Variants in NUFIP2 observed in about 807,000 individuals in gnomAD.
NUFIP2 encodes FMR1-interacting protein NUFIP2.
NUFIP2 carries 6 observed loss-of-function variants against 56.9 expected under a neutral mutation model. The ratio of observed to expected loss-of-function variants is 0.11; its 90% CI spans 0.06 to 0.21. The LOEUF (loss-of-function observed/expected upper bound fraction) is 0.21. Among genes scored for constraint, NUFIP2 ranks in the 10% least tolerant of loss-of-function variants. The pLI is 1.00. For missense variants in NUFIP2, 828 were observed against 826.8 expected (o/e 1.00, Z -0.02); for synonymous variants, 321 against 298.2 (o/e 1.08, Z -0.79).
chr17:29,283,935 T>G (rs1324758274), intron 2 of NUFIP2, among the ~76,000 whole-genome samples: 1 of 152,208 alleles, frequency 6.6e-6, no homozygotes, highest in Admixed American at 6.5e-5. Context: ...CTACTTCCAT[T>G]TTTAAGGAAG....
chr17:29,287,513 C>A lies in NUFIP2; in HGVS notation c.481G>T (p.Asp161Tyr), dbSNP rs765613269. 4 of 1,613,808 alleles carry A rather than the reference C, an allele frequency of 2.5e-6. No homozygotes were observed. The South Asian group carries it at 4.4e-5, about 18-fold the overall frequency. Residue 161 changes from aspartate to tyrosine, a missense_variant, in exon 2 of 4, where the codon GAC (aspartate) becomes TAC (tyrosine). By Grantham distance (160) the Asp-to-Tyr change is radical. Coordinates refer to ENST00000225388, the MANE Select transcript of NUFIP2 (RefSeq NM_020772.3). Reference sequence around the variant, plus strand: ...TCATAAGACTTCCCATTCTTTTTGTCCATACTGTTTTTCTGAATGAAATTC... The same window carrying A: ...TCATAAGACTTCCCATTCTTTTTGTACATACTGTTTTTCTGAATGAAATTC... ...TKNFIQKNSM[D>Y]KKNGKSYENK...
chr17:29,279,656 C>A (rs2069128507), intron 2 of NUFIP2, among the ~76,000 whole-genome samples: 1 of 152,124 alleles, frequency 6.6e-6, no homozygotes, highest in African/African-American at 2.4e-5. Flanking sequence ...ATCTCAGCCT[C>A]CACATGCCAC....
intron 3 of NUFIP2, among the ~76,000 whole-genome samples, 178 bp downstream of exon 3, chr17:29,267,320 T>C (rs373384986): frequency 2.0e-5 from 3 of 151,932 alleles, no homozygotes; most frequent in Non-Finnish European, 4.4e-5. Flanking sequence ...TCCCACAGTG[T>C]TGGGATTAGA....
chr17:29,291,359 C>G (rs1009949819), intron 1 of NUFIP2, among the ~76,000 whole-genome samples: 2 of 152,112 alleles, frequency 1.3e-5, no homozygotes, highest in African/African-American at 4.8e-5. Flanking sequence ...AAAAACTGTT[C>G]CTCTTTAGGT....
Position 29,259,559 on chromosome 17 carries a change from AAC to A in NUFIP2, c.*4978_*4979del, listed in dbSNP as rs1567673386. On this transcript the variant is annotated 3_prime_UTR_variant, in exon 4 of 4. Transcript: ENST00000225388. ...TGCGCCACTGTACTCCAGCCTGGGC[AAC>A]AGACAGTCCGTCTCAAAAAAAAAAA... is the stretch of plus-strand genomic sequence containing the variant. The A allele has an allele frequency of 1.5e-5, 2 of 133,730 alleles. No homozygotes were observed. The highest frequency in any genetic ancestry group is 7.6e-5 in the Admixed American group (1 of 13,080). The allele number at this position is 133,730 out of a possible 1,614,324, so 8.3% of individuals were successfully genotyped here.
At chr17:29,283,390 T>A (rs2153012230) in intron 2 of NUFIP2, among the ~76,000 whole-genome samples, 1 of 152,340 alleles carries the variant, frequency 6.6e-6, no homozygotes, top group Middle Eastern at 3.4e-3. Flanking sequence ...CAGGCCTGAG[T>A]GCAGTGGTGC....
intron 2 of NUFIP2, among the ~76,000 whole-genome samples, chr17:29,281,689 T>TA (rs58675184): frequency 0.015 from 1,677 of 110,472 alleles, 9 homozygotes; most frequent in Non-Finnish European, 0.019. Flanking sequence ...CCTGTCTCTT[T>TA]AAAAAAAAAA....
At chr17:29,277,943 T>C (rs1030990809) in intron 2 of NUFIP2, among the ~76,000 whole-genome samples, 6 of 151,464 alleles carry the variant, frequency 4.0e-5, no homozygotes, top group Middle Eastern at 3.4e-3. Context: ...ACCCAGGAGG[T>C]AGAGGTAGCA....
chr17:29,278,497 C>T (rs535449114), intron 2 of NUFIP2, among the ~76,000 whole-genome samples: 2 of 152,178 alleles, frequency 1.3e-5, no homozygotes, highest in South Asian at 2.1e-4. Flanking sequence ...CTGCCCGCCT[C>T]GGCCTCCCAA....
rs2068986252 is a variant in NUFIP2 at position 29,258,946 on chromosome 17, C to A, written c.*5593G>T. On this transcript the variant is annotated 3_prime_UTR_variant, in exon 4 of 4. Transcript: ENST00000225388. ...AATGTATTCAAGATCATGAAAGGAT[C>A]CTCCTCTATGAAGGATAAATGAAAA... 6.6e-6 allele frequency: 1 copy of A among 152,162 alleles called. No individual in the cohort carries two copies. Among genetic ancestry groups the A allele is most frequent in the Non-Finnish European group, 1.5e-5 (1 of 68,034 alleles). The allele number at this position is 152,162 out of a possible 1,614,324, so 9.4% of individuals were successfully genotyped here. A position where few individuals can be genotyped will look rare whatever the true frequency, so the allele number is the denominator to read the frequency against.
intron 2 of NUFIP2, among the ~76,000 whole-genome samples, chr17:29,283,569 C>T (rs1309755783): frequency 6.6e-6 from 1 of 152,200 alleles, no homozygotes; most frequent in Non-Finnish European, 1.5e-5. Flanking sequence ...AGTCATGACC[C>T]ACCACACTGG....
At position 29,262,180 on chromosome 17, in the gene NUFIP2, T is replaced by C. The variant is rs1470100112; in HGVS notation, c.*2359A>G. 6.6e-6 allele frequency: 1 copy of C among 152,554 alleles called. No individual in the cohort carries two copies. Among genetic ancestry groups the C allele is most frequent in the African/African-American group, 2.4e-5 (1 of 41,442 alleles). 9.5% of individuals were successfully genotyped at this position (152,554 alleles called of 1,614,324 possible). The stretch of plus-strand genomic sequence containing the variant: ...GTATGTCACAAACCCAGAAAGTTTC[T>C]TGTGAGTTGTGAGACGGAAGAACTT... On this transcript the variant is annotated 3_prime_UTR_variant, in exon 4 of 4. Transcript: ENST00000225388.
chr17:29,291,689 G>A (rs953099906), intron 1 of NUFIP2, among the ~76,000 whole-genome samples: 5 of 152,218 alleles, frequency 3.3e-5, no homozygotes, highest in Non-Finnish European at 7.3e-5. Context: ...AATCTCAACA[G>A]TAATATTGCC....
rs1026905994 is a variant in NUFIP2 at position 29,263,527 on chromosome 17, TA to T, written c.*1011del. On this transcript the variant is annotated 3_prime_UTR_variant, in exon 4 of 4. Coordinates refer to ENST00000225388, the MANE Select transcript of NUFIP2 (RefSeq NM_020772.3). ...CCCCTTTTAGATTTTGCTGAGAAAT[TA>T]AAAGATAATTTACAGAAAGGTCTAA... 1 of 152,566 alleles carries T rather than the reference TA, an allele frequency of 6.6e-6. No homozygotes were observed. The highest frequency in any genetic ancestry group is 1.9e-4 in the East Asian group (1 of 5,200). The allele number at this position is 152,566 out of a possible 1,614,324, so 9.5% of individuals were successfully genotyped here.
At position 29,266,283 on chromosome 17, in the gene NUFIP2, T is replaced by C. The variant is rs1331431059; in HGVS notation, c.2035+1215A>G. Reference sequence around the variant, plus strand: ...TGCCCAGCCTGCAGGGTGTATTTTCTAGTCTATGTTTTTTTCATTTGTTTG... The same window carrying C: ...TGCCCAGCCTGCAGGGTGTATTTTCCAGTCTATGTTTTTTTCATTTGTTTG... On this transcript the variant is annotated intron_variant, in intron 3 of 3. Coordinates refer to ENST00000225388, the MANE Select transcript of NUFIP2 (RefSeq NM_020772.3). 2.0e-5 allele frequency among the ~76,000 whole-genome samples: 3 copies of C among 151,962 alleles called. 1 individual carries two copies. The highest frequency in any genetic ancestry group is 6.6e-5 in the Admixed American group (1 of 15,208).
Position 29,287,188 on chromosome 17 carries a change from T to C in NUFIP2, c.806A>G (p.Lys269Arg). 6.2e-7 allele frequency: 1 copy of C among 1,614,198 alleles called. No individual in the cohort carries two copies. Among genetic ancestry groups the C allele is most frequent in the East Asian group, 2.2e-5 (1 of 44,890 alleles). ...CTTCGAACCATCTACTCGATTTCCC[T>C]TTTGTTCACTATAGTCAGGCTTGAA... ...ETFKPDYSEQ[K>R]GNRVDGSKPI... Residue 269 changes from lysine (K) to arginine (R), a missense_variant, in exon 2 of 4, where the codon AAG (lysine) becomes AGG (arginine). Physicochemically the swap from Lys to Arg is conservative, Grantham distance 26. This residue lies in a region of NUFIP2 where 415 missense variants were observed against 408.7 expected (regional missense o/e 1.02). Coordinates refer to ENST00000225388, the MANE Select transcript of NUFIP2 (RefSeq NM_020772.3).
intron 1 of NUFIP2, among the ~76,000 whole-genome samples, chr17:29,292,884 G>GGT (rs999769041): frequency 7.1e-6 from 1 of 141,172 alleles, no homozygotes. Flanking sequence ...CCGGCGACGG[G>GGT]GGGGGGGGCG....
chr17:29,274,701 G>A (rs144915054), intron 2 of NUFIP2, among the ~76,000 whole-genome samples: 43 of 152,250 alleles, frequency 2.8e-4, no homozygotes, highest in African/African-American at 9.9e-4. Context: ...CATTATATAG[G>A]TGAAGGGAAG....
chr17:29,262,582 A>G lies in NUFIP2; in HGVS notation c.*1957T>C, dbSNP rs1414624834. On this transcript the variant is annotated 3_prime_UTR_variant, in exon 4 of 4. Coordinates refer to ENST00000225388, the MANE Select transcript of NUFIP2 (RefSeq NM_020772.3). Reference sequence around the variant, plus strand: ...ACAAAAATCAAAATAGGAACAAGGCAGACTAAATGCAGGGCACATCTGTAA... The same window carrying G: ...ACAAAAATCAAAATAGGAACAAGGCGGACTAAATGCAGGGCACATCTGTAA... 2 of 152,452 alleles carry G rather than the reference A, an allele frequency of 1.3e-5. No homozygotes were observed. The highest frequency in any genetic ancestry group is 4.8e-5 in the African/African-American group (2 of 41,416). 9.4% of individuals were successfully genotyped at this position (152,452 alleles called of 1,614,324 possible). A position where few individuals can be genotyped will look rare whatever the true frequency, so the allele number is the denominator to read the frequency against.
Sources: allele counts gnomAD v4.1 joint callset (sites outside exome capture counted in the v4.1 genomes callset), GRCh38; gene constraint gnomAD v4.1.1; regional missense constraint gnomAD v4.1.1; transcripts MANE v1.5; gene names NCBI Gene and HGNC (gene_info 2026-07-23, HGNC 2026-07-21).